HORMAD1: variants seen among roughly 807,000 people sequenced by gnomAD.
HORMAD1 encodes the protein HORMA domain containing 1.
HORMAD1 carries 33 observed loss-of-function variants against 58.2 expected under a neutral mutation model. The observed-to-expected ratio is 0.57, with a 90% CI of 0.43 to 0.76. The LOEUF (loss-of-function observed/expected upper bound fraction) is 0.76, where lower values mean the gene tolerates loss of function less well. Among genes scored for constraint, HORMAD1 ranks in the 30% least tolerant of loss-of-function variants. HORMAD1 has a pLI of 0.00. For missense variants in HORMAD1, 363 were observed against 462.0 expected, an observed-to-expected ratio of 0.79 and a Z score of 1.96; for synonymous variants, 137 against 144.6, an observed-to-expected ratio of 0.95 and a Z score of 0.38.
Position 150,711,587 on chromosome 1 carries a change from T to G in HORMAD1, c.301-16A>C, listed in dbSNP as rs760639900. ...TTGTGTATACCTATTTAAAAACAAT[T>G]TACAATTGAGTTATCTAAGGCTAAG... On this transcript the variant is annotated splice_polypyrimidine_tract_variant and intron_variant, in intron 6 of 14. Coordinates refer to ENST00000361824, the MANE Select transcript of HORMAD1 (RefSeq NM_032132.5). 10 of 1,587,846 alleles carry G rather than the reference T, an allele frequency of 6.3e-6. No individual in the cohort carries two copies. The African/African-American group carries it at 6.7e-5, about 11-fold the overall frequency.
chr1:150,710,073 T>C (rs1039227353), intron 7 of HORMAD1, among the ~76,000 whole-genome samples: 1 of 152,108 alleles, frequency 6.6e-6, no homozygotes, highest in Non-Finnish European at 1.5e-5. Context: ...CCGGTGCAGG[T>C]CCTTGGTATG....
At chr1:150,711,381 C>G (rs1300901807) in intron 7 of HORMAD1, among the ~76,000 whole-genome samples, 164 bp downstream of exon 7, 1 of 152,120 alleles carries the variant, frequency 6.6e-6, no homozygotes, top group African/African-American at 2.4e-5. Context: ...AATCCAAGCC[C>G]TGCCTTACCT....
intron 14 of HORMAD1, chr1:150,698,939 C>A: frequency 4.8e-6 from 2 of 418,710 alleles, no homozygotes; most frequent in South Asian, 5.1e-5. Flanking sequence ...TATGTACTTG[C>A]AAAATGTATA....
intron 4 of HORMAD1, 150 bp downstream of exon 4, chr1:150,714,465 C>A (rs887960746): frequency 2.2e-6 from 1 of 444,502 alleles, no homozygotes; most frequent in Non-Finnish European, 4.0e-6. Context: ...AGGAAAACTT[C>A]GGTGGAAAAT....
At chr1:150,710,308 T>C (rs1651834821) in intron 7 of HORMAD1, among the ~76,000 whole-genome samples, 1 of 152,152 alleles carries the variant, frequency 6.6e-6, no homozygotes, top group Non-Finnish European at 1.5e-5. Flanking sequence ...AAATCTTTGC[T>C]ATACTGTAAC....
intron 13 of HORMAD1, among the ~76,000 whole-genome samples, chr1:150,702,625 T>C (rs1651570563): frequency 1.3e-5 from 2 of 152,142 alleles, no homozygotes; most frequent in Non-Finnish European, 2.9e-5. Flanking sequence ...GCCATTATCC[T>C]CAGCAAACTA....
In HORMAD1 at chr1:150,704,220, C is replaced by T. The variant is rs767536919; in HGVS notation, c.872-26G>A. 4 of 1,440,770 alleles carry T rather than the reference C, an allele frequency of 2.8e-6. No individual in the cohort carries two copies. The East Asian group carries it at 9.1e-5, about 33-fold the overall frequency. 89.2% of individuals were successfully genotyped at this position (1,440,770 alleles called of 1,614,324 possible). On this transcript the variant is annotated intron_variant, in intron 11 of 14. Coordinates refer to ENST00000361824, the MANE Select transcript of HORMAD1 (RefSeq NM_032132.5). ...CTGTAAAAAAAAAAAAAAAAAGTTA[C>T]CCGGGTATAAAATTGAGTTGGAAGT...
At chr1:150,704,948 C>A (rs1414974166) in intron 10 of HORMAD1, among the ~76,000 whole-genome samples, 2 of 151,610 alleles carry the variant, frequency 1.3e-5, no homozygotes, top group Admixed American at 6.6e-5. Flanking sequence ...GAGGCTGAGG[C>A]AGGAGAATAC....
At chr1:150,715,577 GGCTGTATTATTA>G (rs1397087439) in intron 3 of HORMAD1, among the ~76,000 whole-genome samples, 1 of 151,970 alleles carries the variant, frequency 6.6e-6, no homozygotes, top group Non-Finnish European at 1.5e-5. Context: ...AGTATAAACT[GGCTGTATTATTA>G]TTATTATTTT....
rs953900450 is a variant in HORMAD1 at position 150,698,367 on chromosome 1, T to C, written c.*287A>G. 5.0e-6 allele frequency: 1 copy of C among 198,240 alleles called. No homozygotes were observed. The highest frequency in any genetic ancestry group is 6.0e-5 in the Admixed American group (1 of 16,732). 12.3% of individuals were successfully genotyped at this position (198,240 alleles called of 1,614,324 possible). A position where few individuals can be genotyped will look rare whatever the true frequency, so the allele number is the denominator to read the frequency against. ...GGCATTAGAGGGCCTTAACAGTTAG[T>C]ATATATTTAAAGGAAATATTAAGTA... On this transcript the variant is annotated 3_prime_UTR_variant, in exon 15 of 15. Transcript: ENST00000361824.
intron 14 of HORMAD1, among the ~76,000 whole-genome samples, chr1:150,699,550 G>A (rs1651472599): frequency 6.6e-6 from 1 of 150,882 alleles, no homozygotes; most frequent in Admixed American, 6.6e-5. Flanking sequence ...TTTAAAGACG[G>A]AGTCTTGGTC....
chr1:150,706,862 A>G, intron 9 of HORMAD1, 53 bp from the exon 10 acceptor site: 1 of 1,428,098 alleles, frequency 7.0e-7, no homozygotes, highest in African/African-American at 1.5e-5. Context: ...AGAAAATATA[A>G]TTATTATTAT....
intron 10 of HORMAD1, among the ~76,000 whole-genome samples, chr1:150,705,251 C>T (rs955332893): frequency 5.3e-5 from 8 of 152,022 alleles, no homozygotes; most frequent in African/African-American, 9.7e-5. Flanking sequence ...TTCGGCCAGG[C>T]GTGGTGGCTC....
chr1:150,708,424 T>C lies in HORMAD1; in HGVS notation c.396-17A>G, dbSNP rs1279030740. 6.6e-6 allele frequency: 10 copies of C among 1,522,372 alleles called. No individual in the cohort carries two copies. The highest frequency in any genetic ancestry group is 8.9e-6 in the Non-Finnish European group (10 of 1,122,472). The allele number at this position is 1,522,372 out of a possible 1,614,324, so 94.3% of individuals were successfully genotyped here. A position where few individuals can be genotyped will look rare whatever the true frequency, so the allele number is the denominator to read the frequency against. On this transcript the variant is annotated splice_polypyrimidine_tract_variant and intron_variant, in intron 8 of 14. Coordinates refer to ENST00000361824, the MANE Select transcript of HORMAD1 (RefSeq NM_032132.5). ...TGGTTTTTACTAGAAGAGAATCACA[T>C]ATTAATTTATTTTATAAAACCTGTG...
At chr1:150,701,189 C>T (rs1039950478) in intron 13 of HORMAD1, among the ~76,000 whole-genome samples, 4 of 152,164 alleles carry the variant, frequency 2.6e-5, no homozygotes, top group African/African-American at 9.7e-5. Flanking sequence ...CTTAATGTTA[C>T]ATTACAAGGA....
At chr1:150,719,778 A>G (rs1258496958) in intron 1 of HORMAD1, among the ~76,000 whole-genome samples, 1 of 152,234 alleles carries the variant, frequency 6.6e-6, no homozygotes, top group African/African-American at 2.4e-5. Context: ...ACTGTTTAAG[A>G]GAACTTTTTA....
intron 7 of HORMAD1, among the ~76,000 whole-genome samples, chr1:150,710,732 G>C (rs1168568246): frequency 6.6e-6 from 1 of 152,038 alleles, no homozygotes; most frequent in African/African-American, 2.4e-5. Context: ...TACTTCTATT[G>C]CTTTCTTTAT....
chr1:150,711,463 A>G, intron 7 of HORMAD1, 82 bp downstream of exon 7: 1 of 976,106 alleles, frequency 1.0e-6, no homozygotes, highest in South Asian at 1.3e-5. Context: ...AATTAAAAGC[A>G]TAAGATATTC....
chr1:150,711,326 G>A (rs1651896550), intron 7 of HORMAD1, among the ~76,000 whole-genome samples: 2 of 152,238 alleles, frequency 1.3e-5, no homozygotes, highest in South Asian at 4.1e-4. Context: ...TGTGGCCTAA[G>A]ATCAGTCACA....
Sources: gnomAD v4.1 joint callset for allele counts (sites outside exome capture counted in the v4.1 genomes callset) on GRCh38, gnomAD v4.1.1 for gene constraint, MANE v1.5 for transcripts, NCBI Gene and HGNC (gene_info 2026-07-23, HGNC 2026-07-21) for gene names.